Variants in DLGAP1 observed in about 807,000 individuals in gnomAD.
DLGAP1 encodes DLG associated protein 1, also known as disks large-associated protein 1.
Under a neutral mutation model 90.8 loss-of-function variants are expected in DLGAP1, and 11 were observed. The observed-to-expected ratio is 0.12, with a 90% CI of 0.08 to 0.20. DLGAP1 has a LOEUF of 0.20. DLGAP1 is among the 10% of genes least tolerant of loss of function. The pLI is 1.00. For missense variants in DLGAP1, 1,050 were observed against 1,333.8 expected (o/e 0.79, Z 3.31); for synonymous variants, 558 against 540.7 (o/e 1.03, Z -0.44).
At chr18:4,130,971 G>C (rs2076304736) in intron 2 of DLGAP1, among the ~76,000 whole-genome samples, 1 of 151,936 alleles carries the variant, frequency 6.6e-6, no homozygotes, top group South Asian at 2.1e-4. Context: ...CCCAAGAAGG[G>C]ACTATTTGCA....
At chr18:4,335,373 T>C (rs2081047928) in intron 1 of DLGAP1, among the ~76,000 whole-genome samples, 1 of 151,974 alleles carries the variant, frequency 6.6e-6, no homozygotes, top group Non-Finnish European at 1.5e-5. Context: ...GGATCATTCC[T>C]AGGTCCTCTG....
intron 1 of DLGAP1, among the ~76,000 whole-genome samples, chr18:4,451,674 A>G (rs2083835854): frequency 6.6e-6 from 1 of 152,190 alleles, no homozygotes; most frequent in Non-Finnish European, 1.5e-5. Flanking sequence ...ACATCTTTTG[A>G]GGGACACTGT....
At chr18:4,113,504 G>A (rs2076009326) in intron 2 of DLGAP1, among the ~76,000 whole-genome samples, 1 of 151,924 alleles carries the variant, frequency 6.6e-6, no homozygotes, top group African/African-American at 2.4e-5. Context: ...ATTCCTTTTA[G>A]ATTCTGGGTA....
intron 1 of DLGAP1, among the ~76,000 whole-genome samples, chr18:4,282,936 T>C (rs1224049018): frequency 6.6e-6 from 1 of 152,226 alleles, no homozygotes; most frequent in East Asian, 1.9e-4. Context: ...TTATCCTATT[T>C]AGTTTCAAAA....
intron 3 of DLGAP1, among the ~76,000 whole-genome samples, chr18:3,970,420 C>T (rs1186187631): frequency 1.3e-5 from 2 of 152,168 alleles, no homozygotes; most frequent in Admixed American, 6.5e-5. Context: ...ATAAAAAGCT[C>T]TCCAAAGAAA....
chr18:3,945,553 G>C (rs2072859784), intron 3 of DLGAP1, among the ~76,000 whole-genome samples: 1 of 151,854 alleles, frequency 6.6e-6, no homozygotes, highest in Admixed American at 6.6e-5. Context: ...ATCTTCAAAG[G>C]GAAAAAAGAA....
At chr18:4,065,924 A>G (rs1259590627) in intron 2 of DLGAP1, among the ~76,000 whole-genome samples, 2 of 151,352 alleles carry the variant, frequency 1.3e-5, no homozygotes, top group Admixed American at 6.6e-5. Flanking sequence ...ACTATACTAC[A>G]AAGCTACAGT....
intron 3 of DLGAP1, among the ~76,000 whole-genome samples, chr18:3,968,856 A>G (rs1371089212): frequency 6.6e-6 from 1 of 152,166 alleles, no homozygotes; most frequent in East Asian, 1.9e-4. Context: ...GGAACTAATA[A>G]TCAAAATAAT....
intron 1 of DLGAP1, among the ~76,000 whole-genome samples, chr18:4,169,452 G>C (rs1244345395): frequency 6.6e-6 from 1 of 152,014 alleles, no homozygotes; most frequent in Non-Finnish European, 1.5e-5. Context: ...CCATGTATTA[G>C]TTATACTATT....
chr18:4,403,234 G>A (rs1467521428), intron 1 of DLGAP1, among the ~76,000 whole-genome samples: 3 of 152,080 alleles, frequency 2.0e-5, no homozygotes, highest in Non-Finnish European at 4.4e-5. Context: ...AGCATATAAT[G>A]CTTACCTGAT....
At chr18:4,009,093 C>A (rs1457094149) in intron 2 of DLGAP1, among the ~76,000 whole-genome samples, 3 of 152,236 alleles carry the variant, frequency 2.0e-5, no homozygotes, top group South Asian at 2.1e-4. Flanking sequence ...TTTAGTAGAA[C>A]GGGGTTTCAC....
intron 3 of DLGAP1, among the ~76,000 whole-genome samples, chr18:3,959,657 C>G (rs2073156440): frequency 8.8e-6 from 1 of 113,204 alleles, no homozygotes; most frequent in Non-Finnish European, 1.9e-5. Context: ...GAGCGAGACT[C>G]TGTCTCAAAA....
chr18:3,917,661 G>C (rs1343289148), intron 3 of DLGAP1, among the ~76,000 whole-genome samples: 2 of 152,160 alleles, frequency 1.3e-5, no homozygotes, highest in Admixed American at 1.3e-4. Context: ...GTAAATTTCA[G>C]TATAAGTAAG....
At chr18:3,868,784 G>A (rs994981354) in intron 4 of DLGAP1, among the ~76,000 whole-genome samples, 7 of 152,230 alleles carry the variant, frequency 4.6e-5, no homozygotes, top group Non-Finnish European at 1.0e-4. Context: ...CGATGGTTCT[G>A]TGGAGAAGAG....
At chr18:3,813,346 G>A (rs779667009) in intron 5 of DLGAP1, among the ~76,000 whole-genome samples, 1 of 152,122 alleles carries the variant, frequency 6.6e-6, no homozygotes, top group African/African-American at 2.4e-5. Context: ...AGGAGCAATA[G>A]GCCACTCCAT....
At chr18:3,975,580 C>A (rs942989021) in intron 3 of DLGAP1, among the ~76,000 whole-genome samples, 1 of 152,082 alleles carries the variant, frequency 6.6e-6, no homozygotes, top group Non-Finnish European at 1.5e-5. Flanking sequence ...TGGGTATATA[C>A]TGCAAAAAAT....
intron 2 of DLGAP1, among the ~76,000 whole-genome samples, chr18:4,122,466 C>T (rs934630200): frequency 6.6e-6 from 1 of 152,184 alleles, no homozygotes; most frequent in African/African-American, 2.4e-5. Flanking sequence ...GGGAGAAATA[C>T]ATGAAGCTAT....
chr18:3,708,926 G>A (rs1479675401), intron 7 of DLGAP1, among the ~76,000 whole-genome samples: 1 of 152,166 alleles, frequency 6.6e-6, no homozygotes, highest in Non-Finnish European at 1.5e-5. Flanking sequence ...ATCTCTGTCT[G>A]CCTTTGAGAT....
intron 7 of DLGAP1, among the ~76,000 whole-genome samples, chr18:3,636,655 A>C (rs2058726252): frequency 1.3e-5 from 2 of 148,892 alleles, no homozygotes; most frequent in Non-Finnish European, 3.0e-5. Context: ...ATCTCAAGTG[A>C]TTCACCCGCC....
Sources: allele counts gnomAD v4.1 joint callset (sites outside exome capture counted in the v4.1 genomes callset), GRCh38; gene constraint gnomAD v4.1.1; transcripts MANE v1.5; gene names NCBI Gene and HGNC (gene_info 2026-07-23, HGNC 2026-07-21).